Variants in CBX3 observed in about 807,000 individuals in gnomAD.
CBX3 encodes chromobox 3, also known as chromobox protein homolog 3.
CBX3 carries 5 observed loss-of-function variants against 22.6 expected under a neutral mutation model. The ratio of observed to expected loss-of-function variants is 0.22; its 90% CI spans 0.12 to 0.47. The LOEUF (loss-of-function observed/expected upper bound fraction) is 0.47. CBX3 is among the 20% of genes least tolerant of loss of function. CBX3 has a pLI of 0.99. For synonymous variants in CBX3, 50 were observed against 66.6 expected, an observed-to-expected ratio of 0.75 and a Z score of 1.21; for missense variants, 83 against 208.1, an observed-to-expected ratio of 0.40 and a Z score of 3.70.
At chr7:26,201,587 C>T (rs1042379937), upstream of CBX3, 12 of 151,016 alleles carry the variant, frequency 7.9e-5, no homozygotes, top group African/African-American at 2.9e-4. Context: ...GTCGGCGCCT[C>T]CGCCCTCCCC....
At position 26,206,519 on chromosome 7, in the gene CBX3, CT is replaced by C. The variant is rs746387846; in HGVS notation, c.167+12del. 1.9e-6 allele frequency: 3 copies of C among 1,540,430 alleles called. No individual in the cohort carries two copies. The highest frequency in any genetic ancestry group is 3.7e-5 in the Admixed American group (2 of 53,600). ...TGGAAGGGATTTACAGAGTAAGAAA[CT>C]TTAGTGCATCTTTACTATATGTTTA... On this transcript the variant is annotated intron_variant, in intron 3 of 5. Transcript: ENST00000396386.
At position 26,212,582 on chromosome 7, in the gene CBX3, T is replaced by TTTTTTGTGTGTG. The variant is rs879214653; in HGVS notation, c.*375_*376insTTTTGTGTGTGT. The TTTTTTGTGTGTG allele has an allele frequency of 3.7e-5, 4 of 109,070 alleles. No homozygotes were observed. The highest frequency in any genetic ancestry group is 2.8e-4 in the East Asian group (1 of 3,636). 6.8% of individuals were successfully genotyped at this position (109,070 alleles called of 1,614,324 possible). A position where few individuals can be genotyped will look rare whatever the true frequency, so the allele number is the denominator to read the frequency against. On this transcript the variant is annotated 3_prime_UTR_variant, in exon 6 of 6. Transcript: ENST00000396386. ...CCATTCTAGATTTATTACGTGTTTTTTGTGTGTGTGTGTGTGTGTGTGTGT... is the reference window on the plus strand; with the variant it reads ...CCATTCTAGATTTATTACGTGTTTTTTTTTTGTGTGTGTGTGTGTGTGTGTGTGTGTGTGTGT...
At chr7:26,205,520 A>G (rs1191269063) in intron 2 of CBX3, among the ~76,000 whole-genome samples, 1 of 152,228 alleles carries the variant, frequency 6.6e-6, no homozygotes, top group East Asian at 1.9e-4. Context: ...AGTGGTCTCT[A>G]TAGTTGACCC....
intron 3 of CBX3, chr7:26,208,061 A>T (rs1784720291): frequency 6.1e-6 from 1 of 164,164 alleles, no homozygotes; most frequent in Non-Finnish European, 1.3e-5. Context: ...AAAAAAAAAA[A>T]AAGTGTGTGT....
intron 4 of CBX3, among the ~76,000 whole-genome samples, chr7:26,209,059 A>G (rs750363483): frequency 7.0e-6 from 1 of 143,282 alleles, no homozygotes; most frequent in African/African-American, 2.6e-5. Context: ...AGCGTGTACC[A>G]CCACACCCAG....
chr7:26,202,727 T>G (rs1431781829), intron 1 of CBX3: 1 of 479,346 alleles, frequency 2.1e-6, no homozygotes, highest in Non-Finnish European at 3.7e-6. Flanking sequence ...TCCCCTATTT[T>G]AAGCCATGTG....
chr7:26,207,743 C>G (rs1784711301), intron 3 of CBX3, among the ~76,000 whole-genome samples: 1 of 152,028 alleles, frequency 6.6e-6, no homozygotes, highest in Non-Finnish European at 1.5e-5. Flanking sequence ...ATCCCAAACT[C>G]CTGACCTCAA....
At chr7:26,202,144 C>T (rs1360025914) in intron 1 of CBX3, 1 of 152,146 alleles carries the variant, frequency 6.6e-6, no homozygotes, top group Non-Finnish European at 1.5e-5. Context: ...CCCCCTCCCC[C>T]AGCCGCCACG....
At chr7:26,202,344 C>T (rs1038379581) in intron 1 of CBX3, 1 of 152,310 alleles carries the variant, frequency 6.6e-6, no homozygotes, top group African/African-American at 2.4e-5. Context: ...TGTTTCTCCC[C>T]GCGGATGCGC....
chr7:26,208,323 A>G, intron 3 of CBX3, 70 bp from the exon 4 acceptor site: 3 of 1,264,328 alleles, frequency 2.4e-6, no homozygotes, highest in South Asian at 3.0e-5. Context: ...CTATTAAAAT[A>G]GATCTGGATA....
intron 2 of CBX3, chr7:26,206,008 G>C (rs1784667238): frequency 5.6e-6 from 1 of 177,096 alleles, no homozygotes; most frequent in African/African-American, 2.4e-5. Context: ...AGAACTGCTT[G>C]AACCTGGGGA....
At chr7:26,204,729 G>A (rs1160606248) in intron 2 of CBX3, among the ~76,000 whole-genome samples, 1 of 151,994 alleles carries the variant, frequency 6.6e-6, no homozygotes, top group Non-Finnish European at 1.5e-5. Flanking sequence ...CTTTACTTGT[G>A]GGATGGCTTT....
chr7:26,202,232 G>C (rs1223934592), intron 1 of CBX3: 1 of 152,058 alleles, frequency 6.6e-6, no homozygotes, highest in Non-Finnish European at 1.5e-5. Flanking sequence ...GCGCGCGGCC[G>C]GCTGTCCCGA....
At chr7:26,209,112 G>A (rs1313259103) in intron 4 of CBX3, among the ~76,000 whole-genome samples, 2 of 149,776 alleles carry the variant, frequency 1.3e-5, no homozygotes, top group Middle Eastern at 3.3e-3. Context: ...TCACCATGTT[G>A]GCCAGACTGA....
In CBX3 at chr7:26,211,947, C is replaced by T. The variant is rs551798317; in HGVS notation, c.426-135C>T. The T allele has an allele frequency of 6.7e-6, 6 of 901,676 alleles. No individual in the cohort carries two copies. In the African/African-American group the frequency reaches 6.9e-5, roughly 10 times the overall value. The allele number at this position is 901,676 out of a possible 1,614,324, so 55.9% of individuals were successfully genotyped here. A position where few individuals can be genotyped will look rare whatever the true frequency, so the allele number is the denominator to read the frequency against. ...GTTTTGAAAATGAAGTTTATTAGAA[C>T]ATAGCAACAAGTAACATAACTCTCC... On this transcript the variant is annotated intron_variant, in intron 5 of 5. Coordinates refer to ENST00000396386, the MANE Select transcript of CBX3 (RefSeq NM_016587.4).
Position 26,213,339 on chromosome 7 carries a change from T to C in CBX3, c.*1131T>C, listed in dbSNP as rs13247806. 1 of 92,864 alleles carries C rather than the reference T, an allele frequency of 1.1e-5. No homozygotes were observed. Among genetic ancestry groups the C allele is most frequent in the Non-Finnish European group, 3.0e-5 (1 of 33,146 alleles). 5.8% of individuals were successfully genotyped at this position (92,864 alleles called of 1,614,324 possible). A position where few individuals can be genotyped will look rare whatever the true frequency, so the allele number is the denominator to read the frequency against. On this transcript the variant is annotated 3_prime_UTR_variant, in exon 6 of 6. Coordinates refer to ENST00000396386, the MANE Select transcript of CBX3 (RefSeq NM_016587.4). ...GGTGAACAGTGGTTAATAAATAGTTTTATATTCCTTTATGCAATTATTAGA... is the reference window on the plus strand; with the variant it reads ...GGTGAACAGTGGTTAATAAATAGTTCTATATTCCTTTATGCAATTATTAGA...
At chr7:26,204,195 T>A (rs1784621262) in intron 2 of CBX3, among the ~76,000 whole-genome samples, 1 of 152,008 alleles carries the variant, frequency 6.6e-6, no homozygotes, top group African/African-American at 2.4e-5. Context: ...ATGAATGCCA[T>A]AGTAGTGAAT....
At chr7:26,202,762 C>G (rs1033683904) in intron 1 of CBX3, 3 of 524,830 alleles carry the variant, frequency 5.7e-6, no homozygotes, top group East Asian at 6.7e-5. Flanking sequence ...ACCAGGATCC[C>G]CAGTAAAGTC....
intron 2 of CBX3, 112 bp from the exon 3 acceptor site, chr7:26,206,256 A>G: frequency 1.5e-6 from 1 of 665,864 alleles, no homozygotes; most frequent in Non-Finnish European, 2.5e-6. Flanking sequence ...GCCCTGGGAT[A>G]TAGAAGTAAA....
Sources: allele counts gnomAD v4.1 joint callset (sites outside exome capture counted in the v4.1 genomes callset), GRCh38; gene constraint gnomAD v4.1.1; transcripts MANE v1.5; gene names NCBI Gene and HGNC (gene_info 2026-07-23, HGNC 2026-07-21).